The following ESR1 variants were observed in gnomAD, a reference collection of about 807,000 sequenced individuals.
ESR1 encodes estrogen receptor 1.
A neutral mutation model predicts 52.7 loss-of-function variants in ESR1; 12 were observed. That is an observed-to-expected ratio of 0.23 (90% CI 0.15 to 0.37). The LOEUF is 0.37. Among genes scored for constraint, ESR1 ranks in the 10% least tolerant of loss-of-function variants. ESR1 has a pLI of 1.00. For synonymous variants in ESR1, 305 were observed against 316.8 expected (o/e 0.96, Z 0.39); for missense variants, 584 against 779.7 (o/e 0.75, Z 2.99).
chr6:151,710,113 T>A (rs1305425387), intron 2 of ESR1, among the ~76,000 whole-genome samples: 1 of 152,068 alleles, frequency 6.6e-6, no homozygotes. Flanking sequence ...AGCATCAATT[T>A]AAAGATTTTT....
In ESR1 at chr6:151,925,418, C is replaced by T. The variant is rs576584514; in HGVS notation, c.761-18755C>T. Among the ~76,000 whole-genome samples the T allele has an allele frequency of 5.9e-5, 9 of 152,212 alleles. No homozygotes were observed. In the South Asian group the frequency reaches 1.7e-3, roughly 28 times the overall value. ...GGTCAGGAGTTCGAGACCATTCTGG[C>T]CAACATGGTGAAACCCTGTCTCTAC... On this transcript the variant is annotated intron_variant, in intron 3 of 7. Coordinates refer to ENST00000206249, the MANE Select transcript of ESR1 (RefSeq NM_000125.4).
intron 2 of ESR1, among the ~76,000 whole-genome samples, chr6:151,714,315 G>T (rs1012553371): frequency 6.6e-6 from 1 of 152,150 alleles, no homozygotes; most frequent in African/African-American, 2.4e-5. Flanking sequence ...ATGTTCTCTT[G>T]GTTTGGGGTG....
At position 152,094,788 on chromosome 6, in the gene ESR1, G is replaced by A. The variant is rs2050480909; in HGVS notation, c.1553+220G>A. Among the ~76,000 whole-genome samples the A allele has an allele frequency of 6.6e-6, 1 of 152,190 alleles. No individual in the cohort carries two copies. The highest frequency in any genetic ancestry group is 6.5e-5 in the Admixed American group (1 of 15,290). ...GTGTCAGAGAAGGCATAGAGGAAGCGATACTTACGCTTGGTTTAAAGCATG... is the reference window on the plus strand; with the variant it reads ...GTGTCAGAGAAGGCATAGAGGAAGCAATACTTACGCTTGGTTTAAAGCATG... On this transcript the variant is annotated intron_variant, in intron 7 of 7. Coordinates refer to ENST00000206249, the MANE Select transcript of ESR1 (RefSeq NM_000125.4). The surrounding 1 kb of genome is among the most constrained non-coding windows in gnomAD (Gnocchi z 4.6).
upstream of ESR1, among the ~76,000 whole-genome samples, chr6:151,687,346 G>C (rs1426313393): frequency 6.6e-6 from 1 of 152,174 alleles, no homozygotes; most frequent in Non-Finnish European, 1.5e-5. Context: ...GATATCTCCA[G>C]GTAAGCAGAG....
exon 7 of ESR1, chr6:152,127,905 T>C (rs2054080334): frequency 1.3e-5 from 2 of 152,212 alleles, no homozygotes; most frequent in Admixed American, 1.3e-4. Flanking sequence ...TTTTCCCTCT[T>C]TCAGTGTTTC....
At chr6:151,895,105 C>T (rs1232786454) in intron 3 of ESR1, among the ~76,000 whole-genome samples, 2 of 147,902 alleles carry the variant, frequency 1.4e-5, no homozygotes, top group Admixed American at 1.4e-4. Context: ...AGGTCCTTCA[C>T]CTTCTTGGTT....
intron 2 of ESR1, among the ~76,000 whole-genome samples, chr6:151,770,722 A>T (rs574429923): frequency 6.6e-6 from 1 of 152,244 alleles, no homozygotes; most frequent in Non-Finnish European, 1.5e-5. Context: ...ATGTAATTTT[A>T]CTGTTATAAA....
downstream of ESR1, among the ~76,000 whole-genome samples, chr6:152,106,630 C>T (rs1460681658): frequency 1.3e-5 from 2 of 152,036 alleles, no homozygotes; most frequent in African/African-American, 2.4e-5. Flanking sequence ...GCTCTCTCAC[C>T]CAGGCTGGAG....
At chr6:151,766,294 C>T (rs912369176) in intron 2 of ESR1, among the ~76,000 whole-genome samples, 47 of 152,018 alleles carry the variant, frequency 3.1e-4, no homozygotes, top group African/African-American at 2.4e-4. Flanking sequence ...TTGCATAGCT[C>T]GTGAGGACTC....
chr6:151,910,957 T>C (rs1487251799), intron 3 of ESR1, among the ~76,000 whole-genome samples: 1 of 152,154 alleles, frequency 6.6e-6, no homozygotes, highest in Non-Finnish European at 1.5e-5. Flanking sequence ...TCAGGCATTA[T>C]TAGGTTCTCA....
chr6:151,715,642 T>C (rs1404210333), intron 2 of ESR1, among the ~76,000 whole-genome samples: 1 of 152,208 alleles, frequency 6.6e-6, no homozygotes, highest in Non-Finnish European at 1.5e-5. Flanking sequence ...GATACTTGTG[T>C]ATGCTTCATA....
At chr6:152,046,524 G>C (rs2046241552) in intron 5 of ESR1, among the ~76,000 whole-genome samples, 1 of 152,152 alleles carries the variant, frequency 6.6e-6, no homozygotes, top group Non-Finnish European at 1.5e-5. Flanking sequence ...TATTTTCATT[G>C]AGTGAGGTTA....
At chr6:151,896,416 G>T (rs1795512633) in intron 3 of ESR1, among the ~76,000 whole-genome samples, 1 of 152,156 alleles carries the variant, frequency 6.6e-6, no homozygotes, top group African/African-American at 2.4e-5. Flanking sequence ...AAGCTAGGAG[G>T]TTTGTATCTT....
intron 2 of ESR1, among the ~76,000 whole-genome samples, chr6:151,856,204 G>A (rs1449372781): frequency 1.3e-5 from 2 of 152,122 alleles, no homozygotes; most frequent in East Asian, 1.9e-4. Flanking sequence ...CTCCTAAAGA[G>A]GAGCAATAGA....
chr6:152,035,219 CTAGT>C (rs200946767), intron 5 of ESR1, among the ~76,000 whole-genome samples: 3 of 151,874 alleles, frequency 2.0e-5, no homozygotes, highest in African/African-American at 4.8e-5. Context: ...ACAAGAAGGG[CTAGT>C]TAATCAATAT....
intron 4 of ESR1, among the ~76,000 whole-genome samples, chr6:151,973,834 A>G (rs951715416): frequency 5.3e-5 from 8 of 152,214 alleles, no homozygotes; most frequent in Non-Finnish European, 1.0e-4. Flanking sequence ...CCCAGCTTTC[A>G]TAATTCAGAC....
At chr6:151,697,423 A>G (rs964950536) in intron 1 of ESR1, among the ~76,000 whole-genome samples, 1 of 152,252 alleles carries the variant, frequency 6.6e-6, no homozygotes, top group Non-Finnish European at 1.5e-5. Flanking sequence ...AATGGGCATA[A>G]CAACTACCAG....
At chr6:151,998,741 A>G (rs2128736977) in intron 4 of ESR1, among the ~76,000 whole-genome samples, 1 of 152,220 alleles carries the variant, frequency 6.6e-6, no homozygotes, top group African/African-American at 2.4e-5. Flanking sequence ...TTACCCTTCA[A>G]GTATTTATGT....
intron 5 of ESR1, among the ~76,000 whole-genome samples, chr6:152,042,549 T>C (rs775697759): frequency 1.3e-5 from 2 of 152,082 alleles, no homozygotes; most frequent in African/African-American, 2.4e-5. Context: ...CTGCATAAAT[T>C]GTCAGCAATG....
Sources: allele counts gnomAD v4.1 joint callset (sites outside exome capture counted in the v4.1 genomes callset), GRCh38; gene constraint gnomAD v4.1.1; non-coding constraint Gnocchi (gnomAD v3.1); transcripts MANE v1.5; gene names NCBI Gene and HGNC (gene_info 2026-07-23, HGNC 2026-07-21).